The following GPI variants were observed in gnomAD, a reference collection of about 807,000 sequenced individuals.
The protein encoded by GPI is D-hexose-6-phosphate anomerase.
GPI carries 56 observed loss-of-function variants against 75.8 expected under a neutral mutation model. The ratio of observed to expected loss-of-function variants is 0.74; its 90% CI spans 0.60 to 0.92. The LOEUF is 0.92. Ranked by LOEUF, GPI falls within the 40% of genes least tolerant of loss-of-function variation. The pLI, the probability that GPI is intolerant of heterozygous loss-of-function variation, is 0.00. For missense variants in GPI, 638 were observed against 741.0 expected (o/e 0.86, Z 1.61); for synonymous variants, 288 against 285.4 (o/e 1.01, Z -0.09).
intron 1 of GPI, chr19:34,365,666 C>G (rs867680941): frequency 8.2e-6 from 5 of 612,386 alleles, no homozygotes; most frequent in Non-Finnish European, 6.1e-6. Flanking sequence ...TCCTCCTCCC[C>G]GTGCAGCTCT....
chr19:34,374,424 C>T (rs1312932094), intron 4 of GPI, among the ~76,000 whole-genome samples: 2 of 152,138 alleles, frequency 1.3e-5, no homozygotes, highest in Non-Finnish European at 2.9e-5. Context: ...ATCATAGTCC[C>T]GCTTCTGGCG....
intron 9 of GPI, among the ~76,000 whole-genome samples, chr19:34,384,016 G>T (rs1199625485): frequency 6.6e-6 from 1 of 152,206 alleles, no homozygotes; most frequent in African/African-American, 2.4e-5. Flanking sequence ...TGGGTTTCTA[G>T]GGGAGGCCTG....
At chr19:34,398,681 G>A (rs1443583107) in intron 14 of GPI, 1 of 153,006 alleles carries the variant, frequency 6.5e-6, no homozygotes, top group African/African-American at 2.4e-5. Context: ...GTAAAATTGT[G>A]AGCAGGACCC....
intron 6 of GPI, 123 bp from the exon 7 acceptor site, chr19:34,378,811 G>T: frequency 1.3e-6 from 1 of 761,812 alleles, no homozygotes; most frequent in Non-Finnish European, 2.4e-6. Flanking sequence ...CACTGTCACT[G>T]ACCTGCAAAT....
chr19:34,392,930 C>T (rs544489797), intron 9 of GPI: 25 of 420,958 alleles, frequency 5.9e-5, no homozygotes, highest in South Asian at 2.3e-4. Context: ...TGGGTGTGTC[C>T]GTGTCTGAGG....
rs774942905 is a variant in GPI, at chr19:34,365,272, C to A, written c.6C>A (p.Ala2=). Reference sequence around the variant, plus strand: ...GTGTACCTTCTAGTCCCGCCATGGCCGCTCTCACCCGGGACCCCCAGTTCC... The same window carrying A: ...GTGTACCTTCTAGTCCCGCCATGGCAGCTCTCACCCGGGACCCCCAGTTCC... M[A]ALTRDPQFQK... Residue 2 remains alanine, a synonymous_variant, in exon 1 of 18, where the codon GCC becomes GCA. Transcript: ENST00000356487. 4 of 1,574,438 alleles carry A rather than the reference C, an allele frequency of 2.5e-6. No homozygotes were observed. Among genetic ancestry groups the A allele is most frequent in the Non-Finnish European group, 3.4e-6 (4 of 1,163,390 alleles).
chr19:34,396,792 C>T, intron 14 of GPI, 135 bp downstream of exon 14: 1 of 740,010 alleles, frequency 1.4e-6, no homozygotes, highest in East Asian at 2.7e-5. Flanking sequence ...AACATGGAGG[C>T]TTAAAACAAC....
chr19:34,369,295 T>C (rs1385000134), intron 4 of GPI, among the ~76,000 whole-genome samples: 2 of 151,828 alleles, frequency 1.3e-5, no homozygotes, highest in African/African-American at 2.4e-5. Flanking sequence ...GTGATCTGCC[T>C]GCCTCACCTG....
chr19:34,385,137 C>A (rs931030717), intron 9 of GPI, among the ~76,000 whole-genome samples: 6 of 151,140 alleles, frequency 4.0e-5, no homozygotes, highest in Non-Finnish European at 8.8e-5. Flanking sequence ...GTCAGGAGTT[C>A]AAGACCAGCC....
Position 34,399,250 on chromosome 19 carries a change from G to A in GPI, c.1313G>A (p.Arg438Lys), listed in dbSNP as rs754628637. The change falls in exon 15 of 18, where the codon AGG (arginine) becomes AAG (lysine). Residue 438 changes from arginine (R) to lysine (K), a missense_variant. Arg to Lys is a conservative substitution (Grantham distance 26). Transcript: ENST00000356487. ...NFLAQTEALM[R>K]GKSTEEARKE... The stretch of plus-strand genomic sequence containing the variant: ...TTGGCCCAGACAGAGGCCCTGATGA[G>A]GGGAAAATCGACGGAGGAGGCCCGA... 1.2e-6 allele frequency: 2 copies of A among 1,613,788 alleles called. No homozygotes were observed. Among genetic ancestry groups the A allele is most frequent in the Non-Finnish European group, 8.5e-7 (1 of 1,180,002 alleles).
chr19:34,393,477 T>C lies in GPI; in HGVS notation c.865+169T>C, dbSNP rs1184635700. 9.3e-6 allele frequency: 7 copies of C among 754,906 alleles called. No homozygotes were observed. The highest frequency in any genetic ancestry group is 8.0e-5 in the Admixed American group (4 of 49,938). 46.8% of individuals were successfully genotyped at this position (754,906 alleles called of 1,614,324 possible). A position where few individuals can be genotyped will look rare whatever the true frequency, so the allele number is the denominator to read the frequency against. On this transcript the variant is annotated intron_variant, in intron 10 of 17. Coordinates refer to ENST00000356487, the MANE Select transcript of GPI (RefSeq NM_000175.5). The surrounding 1 kb of genome is among the most constrained non-coding windows in gnomAD (Gnocchi z 4.4). ...GTCCAGAAGGAAGGTCTGGGTTTTT[T>C]TGCGTGTGCAAGTTGGCCCCCGTCT...
chr19:34,375,334 G>A (rs2074518949), intron 4 of GPI, among the ~76,000 whole-genome samples: 1 of 151,708 alleles, frequency 6.6e-6, no homozygotes, highest in African/African-American at 2.4e-5. Context: ...TTTTTTAGCA[G>A]AGACGGGGTT....
At position 34,365,270 on chromosome 19, in the gene GPI, G is replaced by T; in HGVS notation, c.4G>T (p.Ala2Ser). 1.3e-6 allele frequency: 2 copies of T among 1,573,796 alleles called. No individual in the cohort carries two copies. MAALTRDPQFQK... is the reference protein window; with the variant it reads MSALTRDPQFQK... ...CAGTGTACCTTCTAGTCCCGCCATGGCCGCTCTCACCCGGGACCCCCAGTT... is the reference window on the plus strand; with the variant it reads ...CAGTGTACCTTCTAGTCCCGCCATGTCCGCTCTCACCCGGGACCCCCAGTT... Residue 2 changes from alanine to serine, a missense_variant, in exon 1 of 18, where the codon GCC (alanine) becomes TCC (serine). Physicochemically the swap from Ala to Ser is moderately conservative, Grantham distance 99. Transcript: ENST00000356487.
chr19:34,379,598 G>C (rs1380968799), intron 8 of GPI, 36 bp downstream of exon 8: 1 of 1,557,760 alleles, frequency 6.4e-7, no homozygotes, highest in Non-Finnish European at 8.9e-7. Context: ...CTGCCTTCCT[G>C]GGAGTGCCCA....
intron 4 of GPI, among the ~76,000 whole-genome samples, chr19:34,369,083 C>T (rs1334880259): frequency 1.3e-5 from 2 of 150,590 alleles, no homozygotes; most frequent in Admixed American, 6.6e-5. Context: ...GAGTCTCACT[C>T]TCTCGCCCAG....
At chr19:34,380,309 A>AATTTTTG (rs2074630314) in intron 8 of GPI, among the ~76,000 whole-genome samples, 1 of 149,598 alleles carries the variant, frequency 6.7e-6, no homozygotes, top group Non-Finnish European at 1.5e-5. Context: ...TTTTTGAGAC[A>AATTTTTG]AGGTCACTCT....
intron 8 of GPI, chr19:34,381,262 A>G: frequency 1.5e-6 from 1 of 650,126 alleles, no homozygotes; most frequent in South Asian, 1.7e-5. Flanking sequence ...CTGGTCATGG[A>G]CTGATCTGGT....
intron 14 of GPI, chr19:34,398,940 C>T (rs1385197380): frequency 6.1e-6 from 2 of 329,452 alleles, no homozygotes; most frequent in East Asian, 7.0e-5. Context: ...CTCCTGACCT[C>T]GTGGTCCATC....
At chr19:34,369,488 C>T (rs1177411118) in intron 4 of GPI, among the ~76,000 whole-genome samples, 1 of 152,054 alleles carries the variant, frequency 6.6e-6, no homozygotes, top group African/African-American at 2.4e-5. Context: ...GGGTGGATCA[C>T]TTGAGGTAAG....
Sources: gnomAD v4.1 joint callset for allele counts (sites outside exome capture counted in the v4.1 genomes callset) on GRCh38, gnomAD v4.1.1 for gene constraint, Gnocchi (gnomAD v3.1) non-coding constraint, MANE v1.5 for transcripts, NCBI Gene and HGNC (gene_info 2026-07-23, HGNC 2026-07-21) for gene names.